Variants in CEP112 observed in about 807,000 individuals in gnomAD.
The protein encoded by CEP112 is centrosomal protein 112, also known as centrosomal protein of 112 kDa.
A neutral mutation model predicts 153.0 loss-of-function variants in CEP112; 127 were observed. The ratio of observed to expected loss-of-function variants is 0.83; its 90% CI spans 0.72 to 0.96. The LOEUF is 0.96. Ranked by LOEUF, CEP112 falls within the 40% of genes least tolerant of loss-of-function variation. The pLI is 0.00. For synonymous variants in CEP112, 358 were observed against 374.4 expected (o/e 0.96, Z 0.51); for missense variants, 1,089 against 1,101.2 (o/e 0.99, Z 0.16).
At chr17:65,669,379 C>T (rs1361758595) in intron 24 of CEP112, among the ~76,000 whole-genome samples, 1 of 152,000 alleles carries the variant, frequency 6.6e-6, no homozygotes, top group Non-Finnish European at 1.5e-5. Flanking sequence ...GGGGTATAAA[C>T]GTAGGGTTGG....
At chr17:65,966,779 C>T (rs2062430431) in intron 17 of CEP112, among the ~76,000 whole-genome samples, 1 of 152,218 alleles carries the variant, frequency 6.6e-6, no homozygotes, top group South Asian at 2.1e-4. Context: ...CTGCTAAATT[C>T]TAGTTTAAAA....
At chr17:65,655,385 C>CAG in intron 24 of CEP112, 1 of 1,540,224 alleles carries the variant, frequency 6.5e-7, no homozygotes, top group East Asian at 2.3e-5. Flanking sequence ...AGCTCAACTC[C>CAG]AGTAAAGAAC....
chr17:66,129,700 G>T, intron 6 of CEP112, 46 bp downstream of exon 6: 1 of 1,288,786 alleles, frequency 7.8e-7, no homozygotes, highest in South Asian at 1.3e-5. Flanking sequence ...CATACAATAT[G>T]ATTTTGACAC....
chr17:65,790,403 GACT>G (rs2054522505), intron 21 of CEP112, among the ~76,000 whole-genome samples: 1 of 152,140 alleles, frequency 6.6e-6, no homozygotes, highest in South Asian at 2.1e-4. Flanking sequence ...TGCAGATCAT[GACT>G]ACAAGGGCTC....
intron 24 of CEP112, among the ~76,000 whole-genome samples, chr17:65,684,027 G>A (rs912796700): frequency 6.6e-6 from 1 of 152,048 alleles, no homozygotes; most frequent in African/African-American, 2.4e-5. Context: ...GCAACAGAGC[G>A]AGACTCCATC....
rs111611948 is a variant in CEP112, at chr17:66,173,629, T to C, written c.470+1415A>G. Among the ~76,000 whole-genome samples the C allele has an allele frequency of 9.1e-3, 1,392 of 152,308 alleles. 7 individuals are homozygous for C. Among genetic ancestry groups the C allele is most frequent in the Middle Eastern group, 0.017 (5 of 294 alleles). ...GCAAACAACTGATGTATTTTGCAGC[T>C]AAACTAAGAATCGTATTTTTCTTTG... On this transcript the variant is annotated intron_variant, in intron 4 of 26. Coordinates refer to ENST00000535342, the MANE Select transcript of CEP112 (RefSeq NM_001199165.4).
At chr17:65,846,036 T>C (rs2057713715) in intron 21 of CEP112, among the ~76,000 whole-genome samples, 2 of 152,238 alleles carry the variant, frequency 1.3e-5, no homozygotes, top group African/African-American at 4.8e-5. Context: ...ACTGAGATTA[T>C]TTATTATTCT....
intron 6 of CEP112, among the ~76,000 whole-genome samples, chr17:66,118,305 T>C (rs965240651): frequency 6.6e-6 from 1 of 152,178 alleles, no homozygotes; most frequent in Non-Finnish European, 1.5e-5. Flanking sequence ...GAATCAATCT[T>C]ATTGCCCATC....
intron 6 of CEP112, among the ~76,000 whole-genome samples, chr17:66,127,928 C>G (rs1193569842): frequency 6.6e-6 from 1 of 152,114 alleles, no homozygotes. Context: ...AGTCACTTAG[C>G]ACATTTTACT....
chr17:65,706,253 C>G (rs181922574), intron 23 of CEP112, among the ~76,000 whole-genome samples: 15 of 152,324 alleles, frequency 9.8e-5, no homozygotes, highest in African/African-American at 3.6e-4. Context: ...AGCTACAGTT[C>G]TGACAGGCCT....
Position 65,913,233 on chromosome 17 carries a change from G to A in CEP112, c.1981-10899C>T, listed in dbSNP as rs1290314785. Among the ~76,000 whole-genome samples, 4 of 152,172 alleles carry A rather than the reference G, an allele frequency of 2.6e-5. No individual in the cohort carries two copies. In the East Asian group the frequency reaches 7.7e-4, roughly 29 times the overall value. On this transcript the variant is annotated intron_variant, in intron 19 of 26. Coordinates refer to ENST00000535342, the MANE Select transcript of CEP112 (RefSeq NM_001199165.4). Reference sequence around the variant, plus strand: ...GCTAATGGGGCAGTCTACCGCAAAGGTAGTAGTTTCACAGACTGATTTTAT... The same window carrying A: ...GCTAATGGGGCAGTCTACCGCAAAGATAGTAGTTTCACAGACTGATTTTAT...
At chr17:65,966,899 T>C (rs1337950454) in intron 17 of CEP112, among the ~76,000 whole-genome samples, 1 of 152,142 alleles carries the variant, frequency 6.6e-6, no homozygotes, top group Non-Finnish European at 1.5e-5. Flanking sequence ...TGGTAATACT[T>C]CCCAAATTGA....
chr17:65,902,895 G>A (rs957401084), intron 19 of CEP112, among the ~76,000 whole-genome samples: 5 of 152,184 alleles, frequency 3.3e-5, no homozygotes, highest in Admixed American at 3.3e-4. Flanking sequence ...GGCACCTGCT[G>A]TGCTGCAAGC....
At chr17:66,040,913 C>T (rs2065946964) in intron 12 of CEP112, among the ~76,000 whole-genome samples, 1 of 152,022 alleles carries the variant, frequency 6.6e-6, no homozygotes, top group South Asian at 2.1e-4. Context: ...TTTGACTAGT[C>T]CAGGCCAAGA....
intron 2 of CEP112, among the ~76,000 whole-genome samples, chr17:66,178,707 T>C (rs1192884401): frequency 1.3e-5 from 2 of 152,182 alleles, no homozygotes; most frequent in Non-Finnish European, 2.9e-5. Context: ...ATTTCAGTCT[T>C]TAATCCATTT....
At chr17:65,685,754 C>A (rs1345751427) in intron 24 of CEP112, among the ~76,000 whole-genome samples, 1 of 144,452 alleles carries the variant, frequency 6.9e-6, no homozygotes, top group Non-Finnish European at 1.5e-5. Context: ...CTCACTGCAA[C>A]CTCCACCTCC....
intron 20 of CEP112, among the ~76,000 whole-genome samples, chr17:65,869,122 A>C (rs1008457195): frequency 1.3e-5 from 2 of 152,246 alleles, no homozygotes; most frequent in Admixed American, 1.3e-4. Context: ...CTGCATTCTA[A>C]CCTGCAAATA....
intron 21 of CEP112, among the ~76,000 whole-genome samples, chr17:65,836,162 T>C (rs368386188): frequency 1.6e-4 from 25 of 152,194 alleles, no homozygotes; most frequent in African/African-American, 5.5e-4. Context: ...AAAAATAGCA[T>C]AGAATCGAAA....
chr17:66,079,602 A>G (rs8064832), intron 8 of CEP112, among the ~76,000 whole-genome samples: 7,350 of 152,294 alleles, frequency 0.048, 232 homozygotes, highest in African/African-American at 0.07. Flanking sequence ...TATAGATTCA[A>G]TGCTATCCCC....
Sources: gnomAD v4.1 joint callset for allele counts (sites outside exome capture counted in the v4.1 genomes callset) on GRCh38, gnomAD v4.1.1 for gene constraint, MANE v1.5 for transcripts, NCBI Gene and HGNC (gene_info 2026-07-23, HGNC 2026-07-21) for gene names.